BCKDHB: variants seen among roughly 807,000 people sequenced by gnomAD.
BCKDHB encodes the protein branched chain keto acid dehydrogenase E1 subunit beta.
A neutral mutation model predicts 48.5 loss-of-function variants in BCKDHB; 41 were observed. That is an observed-to-expected ratio of 0.85 (90% CI 0.66 to 1.10). The LOEUF (loss-of-function observed/expected upper bound fraction) is 1.10, where lower values mean the gene tolerates loss of function less well. Among genes scored for constraint, BCKDHB ranks in the 50% least tolerant of loss-of-function variants. BCKDHB has a pLI of 0.00. For synonymous variants in BCKDHB, 201 were observed against 174.8 expected, an observed-to-expected ratio of 1.15 and a Z score of -1.18; for missense variants, 496 against 494.2, an observed-to-expected ratio of 1.00 and a Z score of -0.03.
At chr6:80,427,792 C>T in the BCKDHB span, among the ~76,000 whole-genome samples, 1 of 152,150 alleles carries the variant, frequency 6.6e-6, no homozygotes, top group Non-Finnish European at 1.5e-5. Context: ...CTGTGTTCTG[C>T]TTGCCTACTT....
the BCKDHB span, among the ~76,000 whole-genome samples, chr6:80,450,341 TAGAA>T: frequency 6.6e-6 from 1 of 152,150 alleles, no homozygotes; most frequent in Non-Finnish European, 1.5e-5. Context: ...CTTTTTTTCT[TAGAA>T]AGAAACATTT....
rs78393776 is a variant in BCKDHB at position 80,286,868 on chromosome 6, C to A, written c.1038+13647C>A. Among the ~76,000 whole-genome samples the A allele has an allele frequency of 5.7e-3, 863 of 152,150 alleles. 11 individuals carry two copies. The highest frequency in any genetic ancestry group is 0.038 in the East Asian group (198 of 5,170). On this transcript the variant is annotated intron_variant, in intron 9 of 9. Transcript: ENST00000320393. ...TATATTTATCTTTTTATGACATATACAAGGCAAGCATTTAAGGGTGATTTT... is the reference window on the plus strand; with the variant it reads ...TATATTTATCTTTTTATGACATATAAAAGGCAAGCATTTAAGGGTGATTTT...
At chr6:80,262,888 A>G (rs1367712954) in intron 8 of BCKDHB, among the ~76,000 whole-genome samples, 1 of 152,148 alleles carries the variant, frequency 6.6e-6, no homozygotes, top group Non-Finnish European at 1.5e-5. Flanking sequence ...GGTATAATAG[A>G]CAGAAACATG....
chr6:80,370,245 A>G, the BCKDHB span, among the ~76,000 whole-genome samples: 1 of 152,208 alleles, frequency 6.6e-6, no homozygotes, highest in Non-Finnish European at 1.5e-5. Context: ...CCAGATCTCT[A>G]TGTGGAGGAG....
the BCKDHB span, among the ~76,000 whole-genome samples, chr6:80,397,263 T>A: frequency 1.3e-5 from 2 of 152,234 alleles, no homozygotes; most frequent in African/African-American, 4.8e-5. Context: ...GAGGCTTTTA[T>A]AGTTTCTCTT....
intron 8 of BCKDHB, among the ~76,000 whole-genome samples, chr6:80,247,500 G>A (rs1776664735): frequency 6.6e-6 from 1 of 152,220 alleles, no homozygotes; most frequent in Admixed American, 6.6e-5. Flanking sequence ...TTACAGGTGA[G>A]CTAACATTAG....
At chr6:80,176,235 TA>T (rs1773147726) in intron 6 of BCKDHB, among the ~76,000 whole-genome samples, 1 of 152,146 alleles carries the variant, frequency 6.6e-6, no homozygotes, top group Non-Finnish European at 1.5e-5. Flanking sequence ...TTTCTGGTAT[TA>T]ATGGAGGAAT....
intron 3 of BCKDHB, among the ~76,000 whole-genome samples, chr6:80,157,254 TC>T (rs1218659924): frequency 6.6e-6 from 1 of 152,148 alleles, no homozygotes; most frequent in Non-Finnish European, 1.5e-5. Context: ...CATGACATAA[TC>T]CACTGATCTG....
chr6:80,428,077 G>A, the BCKDHB span, among the ~76,000 whole-genome samples: 4 of 151,238 alleles, frequency 2.6e-5, no homozygotes, highest in South Asian at 4.2e-4. Flanking sequence ...CTGTGTCCAT[G>A]TGTTCTCATT....
At chr6:80,448,887 C>T in the BCKDHB span, among the ~76,000 whole-genome samples, 12 of 152,122 alleles carry the variant, frequency 7.9e-5, no homozygotes, top group South Asian at 4.2e-4. Context: ...CTCAATGTCA[C>T]GCAAAATACC....
intron 9 of BCKDHB, among the ~76,000 whole-genome samples, chr6:80,273,466 T>A (rs1378710692): frequency 6.6e-6 from 1 of 152,050 alleles, no homozygotes; most frequent in East Asian, 1.9e-4. Flanking sequence ...AGCTGAAAAA[T>A]TTTTTATGGG....
chr6:80,224,169 C>T (rs1260477880), intron 8 of BCKDHB, among the ~76,000 whole-genome samples: 1 of 152,074 alleles, frequency 6.6e-6, no homozygotes, highest in South Asian at 2.1e-4. Context: ...TTTCCACTTT[C>T]AGGTCTCAGT....
At chr6:80,451,596 G>A in the BCKDHB span, among the ~76,000 whole-genome samples, 22 of 152,128 alleles carry the variant, frequency 1.4e-4, no homozygotes, top group East Asian at 3.9e-3. Context: ...AAATTAGTCG[G>A]GCATGGTGGC....
At chr6:80,262,615 T>C (rs895348758) in intron 8 of BCKDHB, among the ~76,000 whole-genome samples, 8 of 152,242 alleles carry the variant, frequency 5.3e-5, no homozygotes, top group Non-Finnish European at 1.5e-5. Context: ...TAAATTACTT[T>C]GTGACATTAA....
chr6:80,412,512 A>G, the BCKDHB span, among the ~76,000 whole-genome samples: 1 of 152,036 alleles, frequency 6.6e-6, no homozygotes, highest in East Asian at 1.9e-4. Context: ...TAGTTTCAAC[A>G]CTTTTGTCTT....
chr6:80,433,744 G>A, the BCKDHB span, among the ~76,000 whole-genome samples: 4 of 152,110 alleles, frequency 2.6e-5, no homozygotes, highest in African/African-American at 7.2e-5. Flanking sequence ...CTAGTTCGAT[G>A]TCTGTCCTCT....
intron 9 of BCKDHB, among the ~76,000 whole-genome samples, chr6:80,282,385 AG>A (rs1766372668): frequency 1.3e-5 from 2 of 152,162 alleles, no homozygotes; most frequent in African/African-American, 4.8e-5. Flanking sequence ...GACTCTTCAA[AG>A]TGTAGATTTC....
intron 9 of BCKDHB, among the ~76,000 whole-genome samples, chr6:80,343,287 A>G (rs1316404377): frequency 6.6e-6 from 1 of 152,244 alleles, no homozygotes; most frequent in Non-Finnish European, 1.5e-5. Flanking sequence ...AAAATGTGAG[A>G]AAAACAGAAA....
intron 9 of BCKDHB, among the ~76,000 whole-genome samples, chr6:80,294,176 G>T (rs9352812): frequency 0.37 from 56,999 of 152,098 alleles, 12,702 homozygotes; most frequent in East Asian, 0.56. Flanking sequence ...ACCGGCTGGA[G>T]CTGCGGCAGA....
Sources: allele counts gnomAD v4.1 joint callset (sites outside exome capture counted in the v4.1 genomes callset), GRCh38; gene constraint gnomAD v4.1.1; transcripts MANE v1.5; gene names NCBI Gene and HGNC (gene_info 2026-07-23, HGNC 2026-07-21).